Variants in EPHB1 observed in about 807,000 individuals in gnomAD.
EPHB1 encodes ephrin type-B receptor 1.
A neutral mutation model predicts 94.4 loss-of-function variants in EPHB1; 30 were observed. The observed-to-expected ratio is 0.32, with a 90% CI of 0.24 to 0.43. EPHB1 has a LOEUF of 0.43. EPHB1 is among the 20% of genes least tolerant of loss of function. EPHB1 has a pLI of 1.00. For synonymous variants in EPHB1, 522 were observed against 489.1 expected, an observed-to-expected ratio of 1.07 and a Z score of -0.89; for missense variants, 1,055 against 1,308.3, an observed-to-expected ratio of 0.81 and a Z score of 2.99.
intron 1 of EPHB1, 78 bp downstream of exon 1, chr3:134,795,767 T>C: frequency 6.8e-7 from 1 of 1,473,408 alleles, no homozygotes; most frequent in Non-Finnish European, 9.4e-7. Context: ...GTTCGCGGGG[T>C]TCCTCTGGCT....
At chr3:134,849,201 T>C (rs1275799416) in intron 1 of EPHB1, among the ~76,000 whole-genome samples, 1 of 152,228 alleles carries the variant, frequency 6.6e-6, no homozygotes, top group East Asian at 1.9e-4. Flanking sequence ...AGAGGGCTTG[T>C]TGAAACAGAT....
intron 2 of EPHB1, among the ~76,000 whole-genome samples, chr3:134,928,654 G>A (rs909453589): frequency 9.2e-5 from 14 of 152,182 alleles, no homozygotes; most frequent in African/African-American, 1.9e-4. Flanking sequence ...ACGGGAAGGT[G>A]TGCCATCAGT....
chr3:135,190,181 A>G (rs1209028108), intron 10 of EPHB1, among the ~76,000 whole-genome samples: 1 of 152,230 alleles, frequency 6.6e-6, no homozygotes. Flanking sequence ...TTAAATGGCC[A>G]TAGTAATACC....
intron 1 of EPHB1, among the ~76,000 whole-genome samples, chr3:134,844,736 A>C (rs931005793): frequency 6.6e-6 from 1 of 152,220 alleles, no homozygotes; most frequent in Non-Finnish European, 1.5e-5. Flanking sequence ...TGATACATAA[A>C]TACTTCTCAG....
At chr3:134,810,550 G>A (rs1168212099) in intron 1 of EPHB1, among the ~76,000 whole-genome samples, 1 of 152,138 alleles carries the variant, frequency 6.6e-6, no homozygotes. Flanking sequence ...TTAAATATCT[G>A]GGAAAAGACT....
intron 3 of EPHB1, among the ~76,000 whole-genome samples, chr3:135,086,960 G>T (rs1436538278): frequency 1.3e-5 from 2 of 152,196 alleles, no homozygotes; most frequent in Non-Finnish European, 2.9e-5. Context: ...CTTTGCTTAT[G>T]TAAGTCACTC....
At chr3:135,167,998 A>T (rs1164994214) in intron 9 of EPHB1, among the ~76,000 whole-genome samples, 1 of 152,216 alleles carries the variant, frequency 6.6e-6, no homozygotes, top group Non-Finnish European at 1.5e-5. Context: ...CAAAGTTCTC[A>T]TGGACCAGAC....
intron 3 of EPHB1, among the ~76,000 whole-genome samples, chr3:135,034,452 C>T (rs956813571): frequency 4.6e-5 from 7 of 152,196 alleles, no homozygotes; most frequent in African/African-American, 7.2e-5. Flanking sequence ...CTGGGAATCA[C>T]GTGTGAGGGC....
chr3:134,873,548 A>C (rs950498524), intron 1 of EPHB1, among the ~76,000 whole-genome samples: 23 of 152,168 alleles, frequency 1.5e-4, no homozygotes, highest in African/African-American at 5.1e-4. Context: ...GACTTGTTAC[A>C]CGCTGTTGTT....
chr3:135,213,067 G>A (rs546143706), intron 12 of EPHB1, among the ~76,000 whole-genome samples: 14 of 152,250 alleles, frequency 9.2e-5, no homozygotes, highest in African/African-American at 2.6e-4. Context: ...TGAAGACCTC[G>A]TTAATAGCTA....
intron 4 of EPHB1, among the ~76,000 whole-genome samples, chr3:135,116,545 TGC>T (rs1939722396): frequency 1.3e-5 from 2 of 152,212 alleles, no homozygotes. Context: ...CTAGACCTCT[TGC>T]CAGTGCCTCG....
intron 1 of EPHB1, among the ~76,000 whole-genome samples, chr3:134,881,500 C>T (rs1190660040): frequency 6.6e-6 from 1 of 152,072 alleles, no homozygotes; most frequent in Admixed American, 6.5e-5. Context: ...CACCTGGGGC[C>T]CCACCTGCTG....
At chr3:134,932,329 G>A (rs1164237820) in intron 2 of EPHB1, among the ~76,000 whole-genome samples, 1 of 152,212 alleles carries the variant, frequency 6.6e-6, no homozygotes, top group Non-Finnish European at 1.5e-5. Context: ...GCCCCTGGCT[G>A]TCTCCTCAGT....
intron 12 of EPHB1, among the ~76,000 whole-genome samples, chr3:135,224,543 T>C (rs1279825927): frequency 6.6e-6 from 1 of 152,196 alleles, no homozygotes; most frequent in Non-Finnish European, 1.5e-5. Context: ...TTATGTACAG[T>C]ATATATTACA....
chr3:135,033,645 G>A (rs559268748), intron 3 of EPHB1, among the ~76,000 whole-genome samples: 24 of 152,280 alleles, frequency 1.6e-4, no homozygotes, highest in African/African-American at 2.4e-4. Context: ...GATTTTGATC[G>A]CCTCCGAGGA....
intron 1 of EPHB1, among the ~76,000 whole-genome samples, chr3:134,900,382 G>T (rs1363541083): frequency 2.6e-5 from 4 of 152,112 alleles, no homozygotes; most frequent in Non-Finnish European, 5.9e-5. Context: ...AACCTAAAAA[G>T]GATTTGGAAC....
At chr3:135,179,028 G>A (rs1390898193) in intron 9 of EPHB1, among the ~76,000 whole-genome samples, 1 of 149,896 alleles carries the variant, frequency 6.7e-6, no homozygotes, top group East Asian at 1.9e-4. Flanking sequence ...CTTTTTTTTT[G>A]TTCCCTCTCC....
At chr3:134,994,371 G>C (rs1456852792) in intron 3 of EPHB1, among the ~76,000 whole-genome samples, 9 of 152,154 alleles carry the variant, frequency 5.9e-5, no homozygotes, top group Admixed American at 5.9e-4. Flanking sequence ...TGCCCAGCAG[G>C]CATCTGAAGC....
chr3:134,877,271 T>G (rs1472652492), intron 1 of EPHB1, among the ~76,000 whole-genome samples: 1 of 152,200 alleles, frequency 6.6e-6, no homozygotes, highest in Non-Finnish European at 1.5e-5. Context: ...TGGAGAGCCT[T>G]AGCTTCAGAT....
Sources: gnomAD v4.1 joint callset for allele counts (sites outside exome capture counted in the v4.1 genomes callset) on GRCh38, gnomAD v4.1.1 for gene constraint, MANE v1.5 for transcripts, NCBI Gene and HGNC (gene_info 2026-07-23, HGNC 2026-07-21) for gene names.